The following DLC1 variants were observed in gnomAD, a reference collection of about 807,000 sequenced individuals.
DLC1 encodes DLC1 Rho GTPase activating protein, also known as rho GTPase-activating protein 7.
In DLC1, 54 loss-of-function variants were observed where a neutral mutation model predicts 140.3. The observed-to-expected ratio is 0.38, with a 90% CI of 0.31 to 0.48. The LOEUF (loss-of-function observed/expected upper bound fraction) is 0.48. Among genes scored for constraint, DLC1 ranks in the 20% least tolerant of loss-of-function variants. DLC1 has a pLI of 0.96. For missense variants in DLC1, 2,536 were observed against 1,907.0 expected (o/e 1.33, Z -6.14); for synonymous variants, 986 against 728.1 (o/e 1.35, Z -5.70).
chr8:13,145,008 T>G (rs560276931), intron 5 of DLC1, among the ~76,000 whole-genome samples: 1 of 152,276 alleles, frequency 6.6e-6, no homozygotes, highest in Non-Finnish European at 1.5e-5. Context: ...TCTGACCAAA[T>G]GCAATAAATT....
intron 1 of DLC1, among the ~76,000 whole-genome samples, chr8:13,569,918 A>C (rs1258407684): frequency 6.6e-6 from 1 of 152,072 alleles, no homozygotes; most frequent in Non-Finnish European, 1.5e-5. Context: ...CAGTAGAGAA[A>C]TTTTGCTATG....
chr8:13,400,551 C>A (rs1011661517), intron 3 of DLC1, among the ~76,000 whole-genome samples: 1 of 151,962 alleles, frequency 6.6e-6, no homozygotes, highest in East Asian at 1.9e-4. Context: ...CTGATGTGTG[C>A]AATATAAAAC....
chr8:13,103,270 C>T (rs953850819), intron 7 of DLC1, among the ~76,000 whole-genome samples: 2 of 151,772 alleles, frequency 1.3e-5, no homozygotes, highest in Admixed American at 6.6e-5. Flanking sequence ...AAGATAGCGC[C>T]ACTGCACTCC....
At chr8:13,352,621 C>G (rs1452647216) in intron 4 of DLC1, among the ~76,000 whole-genome samples, 1 of 152,148 alleles carries the variant, frequency 6.6e-6, no homozygotes, top group Non-Finnish European at 1.5e-5. Context: ...CTCAAGTGAT[C>G]TTCCCACCTC....
At chr8:13,534,929 C>G (rs140312115) in intron 1 of DLC1, among the ~76,000 whole-genome samples, 115 of 151,900 alleles carry the variant, frequency 7.6e-4, no homozygotes, top group Middle Eastern at 6.8e-3. Flanking sequence ...CCACACTCCT[C>G]TAACTGATGT....
intron 4 of DLC1, among the ~76,000 whole-genome samples, chr8:13,317,640 T>C (rs1832910924): frequency 1.3e-5 from 2 of 151,588 alleles, no homozygotes; most frequent in East Asian, 3.9e-4. Context: ...TGGTGTGTGG[T>C]GAGGGGAATG....
chr8:13,499,015 T>G (rs759415460), intron 2 of DLC1, 34 bp downstream of exon 2: 2 of 1,539,246 alleles, frequency 1.3e-6, no homozygotes, highest in Non-Finnish European at 1.7e-6. Flanking sequence ...TTTACAAAAT[T>G]TCAAAAGCCA....
At chr8:13,155,640 A>C (rs535458667) in intron 5 of DLC1, among the ~76,000 whole-genome samples, 33 of 152,242 alleles carry the variant, frequency 2.2e-4, no homozygotes, top group South Asian at 2.1e-3. Context: ...TTGCTATATT[A>C]AGTTGCAATT....
intron 5 of DLC1, among the ~76,000 whole-genome samples, chr8:13,117,342 G>T (rs1308579199): frequency 6.6e-6 from 1 of 151,982 alleles, no homozygotes; most frequent in Non-Finnish European, 1.5e-5. Flanking sequence ...GTCAGGTGTG[G>T]TGGTGTGCTC....
chr8:13,416,637 C>A (rs186057857), intron 2 of DLC1, among the ~76,000 whole-genome samples: 6 of 152,092 alleles, frequency 3.9e-5, no homozygotes, highest in African/African-American at 1.2e-4. Flanking sequence ...AAATCTCTAA[C>A]AAATAGGAAA....
At chr8:13,475,273 C>T (rs1454860470) in intron 2 of DLC1, among the ~76,000 whole-genome samples, 2 of 152,134 alleles carry the variant, frequency 1.3e-5, no homozygotes, top group African/African-American at 2.4e-5. Context: ...AAGGTGTTCC[C>T]TACGATATAG....
chr8:13,402,778 A>AT (rs1273503871), intron 2 of DLC1, among the ~76,000 whole-genome samples: 2 of 152,170 alleles, frequency 1.3e-5, no homozygotes, highest in East Asian at 1.9e-4. Flanking sequence ...CATTTTTTTA[A>AT]TTTTTTGCCA....
chr8:13,116,960 T>A (rs1820604640), intron 5 of DLC1, among the ~76,000 whole-genome samples: 1 of 152,226 alleles, frequency 6.6e-6, no homozygotes, highest in South Asian at 2.1e-4. Flanking sequence ...CGAATGATAG[T>A]GACATCAGTG....
At chr8:13,181,184 T>G (rs1195080702) in intron 5 of DLC1, among the ~76,000 whole-genome samples, 6 of 152,244 alleles carry the variant, frequency 3.9e-5, no homozygotes, top group African/African-American at 1.4e-4. Flanking sequence ...ACCTGAGATT[T>G]GCTCTCACTC....
At chr8:13,512,863 G>A (rs1019924134) in intron 1 of DLC1, among the ~76,000 whole-genome samples, 2 of 151,534 alleles carry the variant, frequency 1.3e-5, no homozygotes, top group Admixed American at 6.6e-5. Context: ...TAGTCATAAA[G>A]CAAGTTACTA....
intron 1 of DLC1, among the ~76,000 whole-genome samples, chr8:13,577,129 C>T: frequency 6.6e-6 from 1 of 152,070 alleles, no homozygotes; most frequent in East Asian, 1.9e-4. Context: ...TAAGAACAGT[C>T]CAAACTGGGC....
chr8:13,256,193 G>T (rs930816473), intron 5 of DLC1, among the ~76,000 whole-genome samples: 7 of 152,146 alleles, frequency 4.6e-5, no homozygotes, highest in African/African-American at 1.7e-4. Flanking sequence ...AATCCTAAAG[G>T]AGGTTGATAA....
At chr8:13,232,216 G>T (rs996798149) in intron 5 of DLC1, among the ~76,000 whole-genome samples, 1 of 152,140 alleles carries the variant, frequency 6.6e-6, no homozygotes, top group African/African-American at 2.4e-5. Context: ...TACCAGTGAT[G>T]CTGAAGATTG....
rs537243908 is a variant in DLC1, at chr8:13,426,032, C to T, written c.1024-24413G>A. Among the ~76,000 whole-genome samples the T allele has an allele frequency of 1.4e-4, 21 of 152,216 alleles. 1 individual carries two copies. Among genetic ancestry groups the T allele is most frequent in the Admixed American group, 7.9e-4 (12 of 15,282 alleles). On this transcript the variant is annotated intron_variant, in intron 2 of 17. Transcript: ENST00000276297. ...CTGGGTATGTTGCCCAGGCTGCTCT[C>T]GAACTCCTAGGTTCAGGCAATCCTC...
Sources: gnomAD v4.1 joint callset for allele counts (sites outside exome capture counted in the v4.1 genomes callset) on GRCh38, gnomAD v4.1.1 for gene constraint, MANE v1.5 for transcripts, NCBI Gene and HGNC (gene_info 2026-07-23, HGNC 2026-07-21) for gene names.